Variants in DNAH11 observed in about 807,000 individuals in gnomAD.
The protein encoded by DNAH11 is axonemal beta dynein heavy chain 11.
DNAH11 carries 442 observed loss-of-function variants against 526.0 expected under a neutral mutation model. The ratio of observed to expected loss-of-function variants is 0.84; its 90% CI spans 0.78 to 0.91. The LOEUF is 0.91. DNAH11 is among the 40% of genes least tolerant of loss of function. The pLI is 0.00. For synonymous variants in DNAH11, 2,461 were observed against 1,935.9 expected, an observed-to-expected ratio of 1.27 and a Z score of -7.12; for missense variants, 6,989 against 5,448.7, an observed-to-expected ratio of 1.28 and a Z score of -8.90.
At chr7:21,598,524 C>T (rs987398537) in intron 14 of DNAH11, among the ~76,000 whole-genome samples, 13 of 151,984 alleles carry the variant, frequency 8.6e-5, no homozygotes, top group African/African-American at 2.9e-4. Context: ...TTAGAACTTC[C>T]CTAGTCCAGT....
chr7:21,566,367 A>G (rs1032832651), intron 6 of DNAH11, among the ~76,000 whole-genome samples: 1 of 152,186 alleles, frequency 6.6e-6, no homozygotes, highest in Non-Finnish European at 1.5e-5. Context: ...ACTTTGTGGT[A>G]AATATGCCCA....
intron 49 of DNAH11, among the ~76,000 whole-genome samples, chr7:21,743,165 A>G (rs16872907): frequency 0.052 from 7,906 of 152,330 alleles, 275 homozygotes; most frequent in East Asian, 0.2. Context: ...GTGACTTGGC[A>G]GTGGAAGCAA....
At chr7:21,628,301 G>T (rs1786446065) in intron 25 of DNAH11, among the ~76,000 whole-genome samples, 2 of 151,780 alleles carry the variant, frequency 1.3e-5, no homozygotes, top group African/African-American at 2.4e-5. Flanking sequence ...TTGCCTAATT[G>T]CTCTGACCAG....
At chr7:21,669,608 T>A (rs1782560440) in intron 30 of DNAH11, among the ~76,000 whole-genome samples, 1 of 152,140 alleles carries the variant, frequency 6.6e-6, no homozygotes, top group African/African-American at 2.4e-5. Context: ...TATCACATTT[T>A]TTTTTCATGG....
rs10268224 is a variant in DNAH11 at position 21,852,817 on chromosome 7, C to T, written c.11061+186C>T. ...GGAGATGGAGATGGTTGAATGTGTGCTTCTCCTAATTCCATAGAGATGTCA... is the reference window on the plus strand; with the variant it reads ...GGAGATGGAGATGGTTGAATGTGTGTTTCTCCTAATTCCATAGAGATGTCA... On this transcript the variant is annotated intron_variant, in intron 67 of 81. Coordinates refer to ENST00000409508, the MANE Select transcript of DNAH11 (RefSeq NM_001277115.2). 0.095 allele frequency among the ~76,000 whole-genome samples: 14,409 copies of T among 152,164 alleles called. 1,969 individuals carry two copies. Among genetic ancestry groups the T allele is most frequent in the African/African-American group, 0.29 (11,971 of 41,456 alleles).
chr7:21,567,084 A>G (rs1250411986), intron 6 of DNAH11, among the ~76,000 whole-genome samples: 3 of 152,178 alleles, frequency 2.0e-5, no homozygotes, highest in African/African-American at 7.2e-5. Flanking sequence ...CTTGAGCAAT[A>G]TTTAATACTT....
intron 30 of DNAH11, among the ~76,000 whole-genome samples, chr7:21,676,874 A>G (rs149345112): frequency 6.6e-6 from 1 of 152,324 alleles, no homozygotes; most frequent in African/African-American, 2.4e-5. Context: ...TTTTCTCACT[A>G]AAGTGTATAT....
At chr7:21,846,563 T>A (rs1782429088) in intron 66 of DNAH11, among the ~76,000 whole-genome samples, 2 of 152,174 alleles carry the variant, frequency 1.3e-5, no homozygotes, top group African/African-American at 4.8e-5. Context: ...AAATCCCACT[T>A]GGTCGTGGTG....
chr7:21,731,110 C>G lies in DNAH11; in HGVS notation c.7441-4530C>G, dbSNP rs140886116. On this transcript the variant is annotated intron_variant, in intron 45 of 81. Transcript: ENST00000409508. The stretch of plus-strand genomic sequence containing the variant: ...AGAGAGCCGAGAGTGCGCTATTGGA[C>G]TCCATCCTGGGCAACAAGAGTGAAA... Among the ~76,000 whole-genome samples, 1,260 of 152,048 alleles carry G rather than the reference C, an allele frequency of 8.3e-3. 6 individuals carry two copies. The highest frequency in any genetic ancestry group is 0.013 in the Non-Finnish European group (883 of 67,990).
intron 40 of DNAH11, among the ~76,000 whole-genome samples, chr7:21,709,024 C>G (rs1216490866): frequency 6.6e-6 from 1 of 152,130 alleles, no homozygotes; most frequent in Non-Finnish European, 1.5e-5. Context: ...TTGGAGATTT[C>G]TCAAAAAATT....
intron 72 of DNAH11, among the ~76,000 whole-genome samples, chr7:21,868,548 G>T (rs1657489654): frequency 6.6e-6 from 1 of 152,180 alleles, no homozygotes; most frequent in Non-Finnish European, 1.5e-5. Flanking sequence ...TTTTATGAGA[G>T]AAATGCTTTG....
chr7:21,647,876 C>T (rs1284513558), intron 28 of DNAH11, among the ~76,000 whole-genome samples: 1 of 152,106 alleles, frequency 6.6e-6, no homozygotes, highest in Non-Finnish European at 1.5e-5. Flanking sequence ...GATTTCATCA[C>T]CACCAGACTG....
intron 52 of DNAH11, among the ~76,000 whole-genome samples, chr7:21,749,383 G>A (rs530173373): frequency 1.3e-5 from 2 of 152,230 alleles, no homozygotes; most frequent in Admixed American, 6.5e-5. Context: ...AAAAGGCGTC[G>A]CTGAATTCAC....
In DNAH11 at chr7:21,747,968, G is replaced by C. The variant is rs139727665; in HGVS notation, c.8511-612G>C. ...AATATTTTGAAGCCCTTAACACAAG[G>C]CCTTTGCATATATTTTCTTTTTGGA... On this transcript the variant is annotated intron_variant, in intron 51 of 81. Coordinates refer to ENST00000409508, the MANE Select transcript of DNAH11 (RefSeq NM_001277115.2). Among the ~76,000 whole-genome samples the C allele has an allele frequency of 6.1e-3, 926 of 152,294 alleles. 12 individuals carry two copies. The highest frequency in any genetic ancestry group is 0.021 in the African/African-American group (893 of 41,544).
chr7:21,625,590 A>G (rs940937864), intron 25 of DNAH11, among the ~76,000 whole-genome samples: 2 of 152,040 alleles, frequency 1.3e-5, no homozygotes, highest in African/African-American at 4.8e-5. Context: ...AAGGGTTAGC[A>G]TTAAGTTGTT....
intron 26 of DNAH11, among the ~76,000 whole-genome samples, chr7:21,636,816 A>G (rs1040687757): frequency 1.1e-4 from 16 of 152,330 alleles, no homozygotes; most frequent in Admixed American, 8.5e-4. Context: ...CCCATGCACC[A>G]TAGATTGCCG....
intron 57 of DNAH11, among the ~76,000 whole-genome samples, chr7:21,781,811 C>T (rs898975016): frequency 6.6e-6 from 1 of 152,148 alleles, no homozygotes; most frequent in African/African-American, 2.4e-5. Flanking sequence ...AGTTTATTTT[C>T]TCCAAATTCT....
At chr7:21,594,017 C>T (rs1784781992) in intron 14 of DNAH11, among the ~76,000 whole-genome samples, 1 of 151,026 alleles carries the variant, frequency 6.6e-6, no homozygotes, top group East Asian at 1.9e-4. Context: ...CACACACACA[C>T]TCACACACAC....
intron 2 of DNAH11, among the ~76,000 whole-genome samples, chr7:21,554,018 C>G (rs1490015409): frequency 6.6e-6 from 1 of 152,144 alleles, no homozygotes; most frequent in East Asian, 1.9e-4. Context: ...TAACTAGTCT[C>G]TGACCCTGTG....
Sources: allele counts gnomAD v4.1 joint callset (sites outside exome capture counted in the v4.1 genomes callset), GRCh38; gene constraint gnomAD v4.1.1; transcripts MANE v1.5; gene names NCBI Gene and HGNC (gene_info 2026-07-23, HGNC 2026-07-21).